Variants in FGF13 observed in about 807,000 individuals in gnomAD.
FGF13 encodes fibroblast growth factor homologous factor 2.
In FGF13, 2 loss-of-function variants were observed where a neutral mutation model predicts 19.5. The observed-to-expected ratio is 0.10, with a 90% CI of 0.04 to 0.32. FGF13 has a LOEUF of 0.32. Ranked by LOEUF, FGF13 falls within the 10% of genes least tolerant of loss-of-function variation. The probability of loss-of-function intolerance (pLI) is 1.00; values close to 1 mark genes in which losing one functional copy is unlikely to be tolerated. For missense variants in FGF13, 113 were observed against 192.7 expected (o/e 0.59, Z 2.45); for synonymous variants, 72 against 76.9 (o/e 0.94, Z 0.33).
intron 1 of FGF13, among the ~76,000 whole-genome samples, chrX:139,098,495 G>A (rs951964652): frequency 3.6e-5 from 4 of 111,339 alleles, no homozygotes; most frequent in African/African-American, 1.3e-4. Context: ...TGGTGGATTG[G>A]TACATATATA....
chrX:139,110,956 C>T, intron 1 of FGF13, among the ~76,000 whole-genome samples: 1 of 111,652 alleles, frequency 9.0e-6, no homozygotes, highest in African/African-American at 3.3e-5. Flanking sequence ...TTTGGAGGGC[C>T]AGTTTTGTGG....
chrX:138,948,746 C>T (rs111363235), intron 1 of FGF13, among the ~76,000 whole-genome samples: 174 of 111,924 alleles, frequency 1.6e-3, no homozygotes, highest in African/African-American at 5.5e-3. Flanking sequence ...CTAGTGTAGA[C>T]AACTGAATTC....
chrX:138,972,426 G>A (rs1301656733), intron 1 of FGF13, among the ~76,000 whole-genome samples: 2 of 103,917 alleles, frequency 1.9e-5, no homozygotes, highest in South Asian at 4.6e-4. Flanking sequence ...GCGCGACCTC[G>A]GCTCACTACA....
chrX:138,819,172 C>T (rs985648787), intron 3 of FGF13, among the ~76,000 whole-genome samples: 1 of 111,578 alleles, frequency 9.0e-6, no homozygotes, highest in Non-Finnish European at 1.9e-5. Context: ...AGATCTGCTA[C>T]TTACTTCTTA....
chrX:138,634,127 A>G (rs913987436), intron 4 of FGF13, among the ~76,000 whole-genome samples: 1 of 112,273 alleles, frequency 8.9e-6, no homozygotes, highest in Non-Finnish European at 1.9e-5. Context: ...ATTTGCTGAA[A>G]TAATATGTTG....
intron 3 of FGF13, among the ~76,000 whole-genome samples, chrX:138,847,942 T>C (rs757217577): frequency 3.2e-4 from 36 of 111,792 alleles, no homozygotes; most frequent in Middle Eastern, 4.2e-3. Flanking sequence ...AGCAATCAAG[T>C]AAAGAATTGT....
At chrX:138,840,334 G>A (rs1161739688) in intron 3 of FGF13, among the ~76,000 whole-genome samples, 1 of 111,588 alleles carries the variant, frequency 9.0e-6, no homozygotes, top group African/African-American at 3.3e-5. Context: ...CTTTCAGTTG[G>A]ATAAACAAAC....
rs770909690 is a variant in FGF13 at position 138,879,355 on chromosome X, C to T, written c.-112-14705G>A. Among the ~76,000 whole-genome samples, 7 of 111,337 alleles carry T rather than the reference C, an allele frequency of 6.3e-5. No homozygotes were observed. The East Asian group carries it at 8.5e-4, about 13-fold the overall frequency. Reference sequence around the variant, plus strand: ...CTTGATAATGTTCTTTGATACACAACGATTTTTAATTTTGATATAATCCAA... The same window carrying T: ...CTTGATAATGTTCTTTGATACACAATGATTTTTAATTTTGATATAATCCAA... On this transcript the variant is annotated intron_variant, in intron 1 of 2. Coordinates refer to the FGF13 transcript ENST00000421460.
intron 1 of FGF13, among the ~76,000 whole-genome samples, chrX:138,957,710 T>C (rs1167933379): frequency 4.5e-5 from 5 of 111,853 alleles, no homozygotes; most frequent in African/African-American, 1.6e-4. Context: ...GGGTTTGTAG[T>C]TCTCCTTGAA....
chrX:138,815,061 C>T (rs958974488), intron 3 of FGF13, among the ~76,000 whole-genome samples: 1 of 110,954 alleles, frequency 9.0e-6, no homozygotes, highest in Non-Finnish European at 1.9e-5. Flanking sequence ...ACCTGGAGGG[C>T]ATCATGTTAA....
chrX:138,661,053 A>C (rs1411256039), intron 3 of FGF13, among the ~76,000 whole-genome samples: 1 of 111,653 alleles, frequency 9.0e-6, no homozygotes. Context: ...GTCTTTTCAG[A>C]AATCTACTAC....
chrX:138,819,512 G>A (rs1467044308), intron 3 of FGF13, among the ~76,000 whole-genome samples: 1 of 111,558 alleles, frequency 9.0e-6, no homozygotes, highest in Admixed American at 9.6e-5. Flanking sequence ...CCTTCTCTGA[G>A]ATTTGTATGC....
At chrX:139,007,240 A>G (rs2124369075) in intron 1 of FGF13, among the ~76,000 whole-genome samples, 1 of 111,990 alleles carries the variant, frequency 8.9e-6, no homozygotes, top group Non-Finnish European at 1.9e-5. Flanking sequence ...AAAAACTAGA[A>G]AAAGACAAAA....
At chrX:138,713,470 T>C, upstream of FGF13, among the ~76,000 whole-genome samples, 1 of 111,860 alleles carries the variant, frequency 8.9e-6, no homozygotes. Context: ...ATTCTCTGCA[T>C]GTTTTTACCT....
At position 138,824,201 on chromosome X, in the gene FGF13, T is replaced by C. The variant is rs1487964626; in HGVS notation, c.217+33311A>G. Among the ~76,000 whole-genome samples, 5 of 111,850 alleles carry C rather than the reference T, an allele frequency of 4.5e-5. No individual in the cohort carries two copies. The East Asian group carries it at 1.4e-3, about 31-fold the overall frequency. On this transcript the variant is annotated intron_variant, in intron 3 of 6. Transcript: ENST00000436198. The stretch of plus-strand genomic sequence containing the variant: ...GATGGGGAATGGGATGGAGGCTGAC[T>C]ACAAATGGGGTAAGTTTGAAGGTGC...
At chrX:139,037,613 T>C (rs940775740) in intron 1 of FGF13, among the ~76,000 whole-genome samples, 1 of 111,534 alleles carries the variant, frequency 9.0e-6, no homozygotes, top group Non-Finnish European at 1.9e-5. Flanking sequence ...GTTGTTTGCA[T>C]TCCTTGGCTC....
At position 138,632,322 on chromosome X, in the gene FGF13, G is replaced by C. The variant is rs17510311; in HGVS notation, c.*528C>G. The C allele has an allele frequency of 8.9e-6, 1 of 112,344 alleles. No individual in the cohort carries two copies. Among genetic ancestry groups the C allele is most frequent in the African/African-American group, 3.2e-5 (1 of 30,890 alleles). The allele number at this position is 112,344 out of a possible 1,213,427, so 9.3% of individuals were successfully genotyped here. A position where few individuals can be genotyped will look rare whatever the true frequency, so the allele number is the denominator to read the frequency against. ...AAGTCAATAGAACCATTGAATTTCA[G>C]AAATCATAAAGTTGCACTATGCCAA... On this transcript the variant is annotated 3_prime_UTR_variant, in exon 5 of 5. Coordinates refer to ENST00000315930, the MANE Select transcript of FGF13 (RefSeq NM_004114.5).
intron 1 of FGF13, among the ~76,000 whole-genome samples, chrX:139,195,607 G>C (rs1439423186): frequency 8.9e-6 from 1 of 111,752 alleles, no homozygotes; most frequent in Non-Finnish European, 1.9e-5. Flanking sequence ...TGAGAACTGG[G>C]TTTCATGTTT....
intron 3 of FGF13, among the ~76,000 whole-genome samples, chrX:138,760,458 C>T (rs761630782): frequency 3.0e-4 from 33 of 111,856 alleles, no homozygotes; most frequent in Non-Finnish European, 5.6e-4. Flanking sequence ...AAGCCTGCCT[C>T]GGTGTTAGCC....
Sources: gnomAD v4.1 joint callset for allele counts (sites outside exome capture counted in the v4.1 genomes callset) on GRCh38, gnomAD v4.1.1 for gene constraint, MANE v1.5 for transcripts, NCBI Gene and HGNC (gene_info 2026-07-23, HGNC 2026-07-21) for gene names.